LIN9: variants seen among roughly 807,000 people sequenced by gnomAD.
LIN9 encodes the protein lin-9 DREAM MuvB core complex component.
Under a neutral mutation model 78.0 loss-of-function variants are expected in LIN9, and 18 were observed. The observed-to-expected ratio is 0.23, with a 90% CI of 0.16 to 0.34. LIN9 has a LOEUF of 0.34. Ranked by LOEUF, LIN9 falls within the 10% of genes least tolerant of loss-of-function variation. The pLI is 1.00. For synonymous variants in LIN9, 192 were observed against 215.2 expected (o/e 0.89, Z 0.94); for missense variants, 451 against 644.1 (o/e 0.70, Z 3.25).
chr1:226,298,164 G>C (rs1030101482), intron 2 of LIN9, among the ~76,000 whole-genome samples: 2 of 152,122 alleles, frequency 1.3e-5, no homozygotes, highest in Non-Finnish European at 2.9e-5. Flanking sequence ...ATCAAAAATG[G>C]AAAAAGCCTT....
At chr1:226,283,568 G>C (rs764971045) in intron 6 of LIN9, among the ~76,000 whole-genome samples, 4 of 151,966 alleles carry the variant, frequency 2.6e-5, no homozygotes, top group Non-Finnish European at 4.4e-5. Context: ...CTGTTTACAG[G>C]CTTTTGTTTT....
At chr1:226,293,965 G>C (rs780639256) in intron 4 of LIN9, among the ~76,000 whole-genome samples, 2 of 152,094 alleles carry the variant, frequency 1.3e-5, no homozygotes, top group South Asian at 4.2e-4. Context: ...GCATTTAAGA[G>C]TTTTTATTGG....
intron 4 of LIN9, among the ~76,000 whole-genome samples, chr1:226,294,424 T>C (rs534381024): frequency 2.0e-5 from 3 of 151,444 alleles, no homozygotes; most frequent in Admixed American, 6.6e-5. Flanking sequence ...CTACTAAAAA[T>C]ACAAAATTAG....
In LIN9 at chr1:226,265,233, T is replaced by C. The variant is rs1659833817; in HGVS notation, c.1038+300A>G. Among the ~76,000 whole-genome samples the C allele has an allele frequency of 6.6e-6, 1 of 152,218 alleles. No individual in the cohort carries two copies. The highest frequency in any genetic ancestry group is 1.5e-5 in the Non-Finnish European group (1 of 68,038). ...TGAGGTTACTAAATAAAAGCCTTCA[T>C]AGTTACCCAAGTTATTAACAGCCAA... is the stretch of plus-strand genomic sequence containing the variant. On this transcript the variant is annotated intron_variant, in intron 10 of 14. Coordinates refer to ENST00000681046, the MANE Select transcript of LIN9 (RefSeq NM_001366245.2). The surrounding 1 kb of genome is among the most constrained non-coding windows in gnomAD (Gnocchi z 4.1).
Position 226,238,967 on chromosome 1 carries a change from T to C in LIN9, c.1245+4A>G, listed in dbSNP as rs534665312. On this transcript the variant is annotated splice_donor_region_variant and intron_variant, in intron 12 of 14. Transcript: ENST00000681046. ...ATGGAGGGAAATCTATACATATCAC[T>C]TACCTCATAGCAATACTGTTGAACT... is the stretch of plus-strand genomic sequence containing the variant. The C allele has an allele frequency of 1.9e-6, 3 of 1,610,952 alleles. No individual in the cohort carries two copies. The African/African-American group carries it at 4.0e-5, about 22-fold the overall frequency.
At position 226,309,090 on chromosome 1, in the gene LIN9, G is replaced by C. The variant is rs532046058; in HGVS notation, c.31+19C>G. 2 of 1,312,054 alleles carry C rather than the reference G, an allele frequency of 1.5e-6. No individual in the cohort carries two copies. Among genetic ancestry groups the C allele is most frequent in the Admixed American group, 6.1e-5 (2 of 33,040 alleles). 81.3% of individuals were successfully genotyped at this position (1,312,054 alleles called of 1,614,324 possible). A position where few individuals can be genotyped will look rare whatever the true frequency, so the allele number is the denominator to read the frequency against. On this transcript the variant is annotated intron_variant, in intron 1 of 14. Coordinates refer to ENST00000681046, the MANE Select transcript of LIN9 (RefSeq NM_001366245.2). ...GCAGCAGGCGGGAAAAGGGGGGGGT[G>C]CTTTGAGGTGCTACTCACTCTCGTC...
In LIN9 at chr1:226,295,453, T is replaced by A. The variant is rs191013032; in HGVS notation, c.264+389A>T. ...GACAGAGTGAGACTCCGTCTCAAAA[T>A]ATATATATATAAATAAACATATATA... is the stretch of plus-strand genomic sequence containing the variant. On this transcript the variant is annotated intron_variant, in intron 4 of 14. Coordinates refer to ENST00000681046, the MANE Select transcript of LIN9 (RefSeq NM_001366245.2). Among the ~76,000 whole-genome samples, 1,004 of 151,086 alleles carry A rather than the reference T, an allele frequency of 6.6e-3. 14 individuals are homozygous for A. Among genetic ancestry groups the A allele is most frequent in the African/African-American group, 0.023 (942 of 41,346 alleles).
At chr1:226,294,389 T>C (rs116270143) in intron 4 of LIN9, among the ~76,000 whole-genome samples, 1,726 of 151,998 alleles carry the variant, frequency 0.011, 18 homozygotes, top group Non-Finnish European at 0.017. Flanking sequence ...AAGATCGGCC[T>C]GACTAACATG....
intron 2 of LIN9, among the ~76,000 whole-genome samples, chr1:226,300,543 C>A (rs867415336): frequency 2.0e-5 from 3 of 151,956 alleles, no homozygotes; most frequent in African/African-American, 7.2e-5. Flanking sequence ...AAAGCGAGAC[C>A]CTGTCTCAAA....
intron 4 of LIN9, among the ~76,000 whole-genome samples, chr1:226,294,571 CA>C (rs1033784338): frequency 9.5e-5 from 12 of 126,882 alleles, no homozygotes; most frequent in African/African-American, 1.9e-4. Flanking sequence ...AACTCTGTCT[CA>C]AAAAAAAAAA....
At chr1:226,243,428 T>C (rs1576281120) in intron 11 of LIN9, among the ~76,000 whole-genome samples, 2 of 152,084 alleles carry the variant, frequency 1.3e-5, no homozygotes, top group African/African-American at 4.8e-5. Context: ...GGCATGGTGG[T>C]TCAGGCCTGT....
intron 12 of LIN9, among the ~76,000 whole-genome samples, 171 bp downstream of exon 12, chr1:226,238,800 A>G (rs914543568): frequency 7.2e-5 from 11 of 152,184 alleles, no homozygotes; most frequent in African/African-American, 2.7e-4. Flanking sequence ...CTTTCTGTGT[A>G]TAAAGCACTC....
chr1:226,238,337 A>C (rs574653435), intron 12 of LIN9, among the ~76,000 whole-genome samples: 24 of 152,298 alleles, frequency 1.6e-4, no homozygotes, highest in African/African-American at 5.1e-4. Context: ...ATAAAGCAAA[A>C]TTTGGTCTTT....
At chr1:226,309,621 C>T (rs866770247), upstream of LIN9, 3 of 1,266,142 alleles carry the variant, frequency 2.4e-6, no homozygotes, top group Middle Eastern at 4.4e-4. Flanking sequence ...AAGTGAAATA[C>T]TCACAGTTCC....
intron 4 of LIN9, among the ~76,000 whole-genome samples, chr1:226,295,218 G>A (rs1662063599): frequency 6.6e-6 from 1 of 151,984 alleles, no homozygotes; most frequent in Admixed American, 6.6e-5. Context: ...GGGAGGCCGA[G>A]GCGGGTAGAT....
chr1:226,260,071 G>A (rs2102893169), intron 10 of LIN9, among the ~76,000 whole-genome samples: 1 of 152,072 alleles, frequency 6.6e-6, no homozygotes, highest in South Asian at 2.1e-4. Flanking sequence ...ATGAAAAAGG[G>A]GCATCACTAC....
intron 7 of LIN9, among the ~76,000 whole-genome samples, chr1:226,268,779 T>C (rs1660088251): frequency 1.3e-5 from 2 of 152,196 alleles, no homozygotes; most frequent in African/African-American, 2.4e-5. Context: ...TTGTGACAAC[T>C]TGTTTCTGGG....
intron 8 of LIN9, among the ~76,000 whole-genome samples, chr1:226,266,731 T>C (rs1038300888): frequency 2.6e-5 from 4 of 152,096 alleles, no homozygotes; most frequent in African/African-American, 9.7e-5. Context: ...GGAGAAATAT[T>C]TGGGTGATCT....
intron 12 of LIN9, among the ~76,000 whole-genome samples, chr1:226,235,381 A>G (rs1333424378): frequency 6.6e-6 from 1 of 151,892 alleles, no homozygotes; most frequent in Non-Finnish European, 1.5e-5. Context: ...CAAGAGAAAA[A>G]ATTCTACTAA....
Sources: allele counts gnomAD v4.1 joint callset (sites outside exome capture counted in the v4.1 genomes callset), GRCh38; gene constraint gnomAD v4.1.1; non-coding constraint Gnocchi (gnomAD v3.1); transcripts MANE v1.5; gene names NCBI Gene and HGNC (gene_info 2026-07-23, HGNC 2026-07-21).